Variants in ADARB2 observed in about 807,000 individuals in gnomAD.
ADARB2 encodes inactive double-stranded RNA-specific editase B2.
Under a neutral mutation model 62.2 loss-of-function variants are expected in ADARB2, and 25 were observed. The observed-to-expected ratio is 0.40, with a 90% CI of 0.29 to 0.56. The LOEUF is 0.56. Among genes scored for constraint, ADARB2 ranks in the 20% least tolerant of loss-of-function variants. The pLI is 0.43. For missense variants in ADARB2, 1,071 were observed against 1,077.4 expected (o/e 0.99, Z 0.08); for synonymous variants, 572 against 500.8 (o/e 1.14, Z -1.90).
At chr10:1,712,122 A>C (rs1564201827) in intron 1 of ADARB2, among the ~76,000 whole-genome samples, 1 of 152,234 alleles carries the variant, frequency 6.6e-6, no homozygotes, top group Non-Finnish European at 1.5e-5. Context: ...ACAGTTGATA[A>C]TGTTCGAAGC....
At chr10:1,472,305 C>A (rs181463330) in intron 1 of ADARB2, among the ~76,000 whole-genome samples, 154 of 152,338 alleles carry the variant, frequency 1.0e-3, no homozygotes, top group Admixed American at 2.2e-3. Context: ...AGGAACTGCC[C>A]AAGCAGAGAC....
At chr10:1,207,896 C>G (rs1382134013) in intron 7 of ADARB2, among the ~76,000 whole-genome samples, 1 of 152,174 alleles carries the variant, frequency 6.6e-6, no homozygotes, top group Non-Finnish European at 1.5e-5. Flanking sequence ...TTTCCTCATT[C>G]TTTTAGGAGC....
intron 3 of ADARB2, among the ~76,000 whole-genome samples, chr10:1,299,990 G>A (rs996487396): frequency 1.3e-5 from 2 of 152,140 alleles, no homozygotes; most frequent in Admixed American, 1.3e-4. Context: ...AGGGGGGCCC[G>A]GTGGAGGACC....
chr10:1,656,635 T>C (rs1399741438), intron 1 of ADARB2, among the ~76,000 whole-genome samples: 1 of 152,124 alleles, frequency 6.6e-6, no homozygotes, highest in Non-Finnish European at 1.5e-5. Context: ...TTTCTCTTCA[T>C]ATTGGGGTGT....
chr10:1,601,340 T>C (rs1237749643), intron 1 of ADARB2, among the ~76,000 whole-genome samples: 1 of 152,238 alleles, frequency 6.6e-6, no homozygotes, highest in Non-Finnish European at 1.5e-5. Flanking sequence ...GGTTCGGCTC[T>C]GCAGTGTGGG....
chr10:1,391,487 C>G (rs759762335), intron 1 of ADARB2, among the ~76,000 whole-genome samples: 3 of 152,132 alleles, frequency 2.0e-5, no homozygotes, highest in Non-Finnish European at 4.4e-5. Context: ...ACCACACATG[C>G]CTTGGTGGTC....
chr10:1,469,565 A>G (rs1232937351), intron 1 of ADARB2, among the ~76,000 whole-genome samples: 1 of 152,358 alleles, frequency 6.6e-6, no homozygotes, highest in East Asian at 1.9e-4. Flanking sequence ...TGGGAGAATA[A>G]TTGTCTCAAC....
chr10:1,624,095 A>T (rs1400965114), intron 1 of ADARB2, among the ~76,000 whole-genome samples: 1 of 152,006 alleles, frequency 6.6e-6, no homozygotes, highest in African/African-American at 2.4e-5. Flanking sequence ...TTAGCCTGGC[A>T]TGGTGGCACG....
At chr10:1,420,238 GC>G (rs1832840497) in intron 1 of ADARB2, among the ~76,000 whole-genome samples, 1 of 152,128 alleles carries the variant, frequency 6.6e-6, no homozygotes, top group Admixed American at 6.5e-5. Context: ...TGTTTAATGA[GC>G]TCTTGCCTTG....
In ADARB2 at chr10:1,676,707, G is replaced by A. The variant is rs190498112; in HGVS notation, c.100+60344C>T. Among the ~76,000 whole-genome samples the A allele has an allele frequency of 5.2e-3, 785 of 152,130 alleles. 2 individuals carry two copies. The highest frequency in any genetic ancestry group is 8.0e-3 in the Non-Finnish European group (544 of 68,012). On this transcript the variant is annotated intron_variant, in intron 1 of 9. Coordinates refer to ENST00000381312, the MANE Select transcript of ADARB2 (RefSeq NM_018702.4). ...AAGTTTAATGGGAATGAAAGAAGAG[G>A]GTCTTAGAAATATTTAGGTGATTGT...
At chr10:1,653,949 AG>A (rs1834145201) in intron 1 of ADARB2, among the ~76,000 whole-genome samples, 1 of 151,868 alleles carries the variant, frequency 6.6e-6, no homozygotes, top group Non-Finnish European at 1.5e-5. Flanking sequence ...TGGCTGGGGG[AG>A]GGGAGTAACA....
At chr10:1,593,335 C>T (rs1833287345) in intron 1 of ADARB2, among the ~76,000 whole-genome samples, 1 of 149,024 alleles carries the variant, frequency 6.7e-6, no homozygotes, top group Non-Finnish European at 1.5e-5. Context: ...TCCCCTGGCC[C>T]AAACCACACT....
intron 1 of ADARB2, chr10:1,675,850 C>T (rs1231973123): frequency 1.5e-5 from 11 of 740,448 alleles, no homozygotes; most frequent in African/African-American, 5.8e-5. Flanking sequence ...GTCTCTGATC[C>T]CTGCAGGAGG....
At chr10:1,540,500 ATC>A (rs1832405145) in intron 1 of ADARB2, among the ~76,000 whole-genome samples, 1 of 111,286 alleles carries the variant, frequency 9.0e-6, no homozygotes, top group South Asian at 2.7e-4. Flanking sequence ...CAGACCCTGG[ATC>A]ACAGCCGCCC....
At chr10:1,615,379 G>A (rs559092092) in intron 1 of ADARB2, among the ~76,000 whole-genome samples, 18 of 152,340 alleles carry the variant, frequency 1.2e-4, no homozygotes, top group African/African-American at 4.1e-4. Flanking sequence ...ATGCTGGGGA[G>A]GCAGCACAGC....
intron 7 of ADARB2, among the ~76,000 whole-genome samples, chr10:1,207,780 A>T (rs2131746807): frequency 6.6e-6 from 1 of 152,402 alleles, no homozygotes; most frequent in African/African-American, 2.4e-5. Flanking sequence ...ACTTAAAATT[A>T]GAAACCATAT....
intron 8 of ADARB2, among the ~76,000 whole-genome samples, chr10:1,190,051 C>G (rs1443975212): frequency 1.3e-5 from 2 of 152,078 alleles, no homozygotes; most frequent in Non-Finnish European, 2.9e-5. Context: ...AGGGACAGAG[C>G]CTGTGTCGTC....
At chr10:1,491,772 GA>G (rs1318124027) in intron 1 of ADARB2, among the ~76,000 whole-genome samples, 1 of 152,150 alleles carries the variant, frequency 6.6e-6, no homozygotes, top group Non-Finnish European at 1.5e-5. Context: ...CAGAAAAAAA[GA>G]AAAAGAAATC....
At chr10:1,429,479 T>C (rs1229736336) in intron 1 of ADARB2, among the ~76,000 whole-genome samples, 1 of 152,176 alleles carries the variant, frequency 6.6e-6, no homozygotes, top group Non-Finnish European at 1.5e-5. Flanking sequence ...AAAGAGAATA[T>C]GGTAAAATAT....
Sources: gnomAD v4.1 joint callset for allele counts (sites outside exome capture counted in the v4.1 genomes callset) on GRCh38, gnomAD v4.1.1 for gene constraint, MANE v1.5 for transcripts, NCBI Gene and HGNC (gene_info 2026-07-23, HGNC 2026-07-21) for gene names.